The following TRIO variants were observed in gnomAD, a reference collection of about 807,000 sequenced individuals.
TRIO encodes triple functional domain protein.
Under a neutral mutation model 351.9 loss-of-function variants are expected in TRIO, and 58 were observed. The observed-to-expected ratio is 0.16, with a 90% CI of 0.13 to 0.21. The LOEUF is 0.21. Ranked by LOEUF, TRIO falls within the 10% of genes least tolerant of loss-of-function variation. TRIO has a pLI of 1.00. For synonymous variants in TRIO, 1,758 were observed against 1,595.7 expected (o/e 1.10, Z -2.42); for missense variants, 3,201 against 4,027.8 (o/e 0.79, Z 5.56).
intron 1 of TRIO, among the ~76,000 whole-genome samples, chr5:14,219,812 TC>T (rs1270512357): frequency 6.6e-6 from 1 of 152,014 alleles, no homozygotes; most frequent in Non-Finnish European, 1.5e-5. Flanking sequence ...GTAAAATAGA[TC>T]AGTATTTTTC....
intron 7 of TRIO, among the ~76,000 whole-genome samples, chr5:14,301,680 A>G (rs1265004806): frequency 1.3e-5 from 2 of 152,154 alleles, no homozygotes; most frequent in East Asian, 3.9e-4. Flanking sequence ...TTATGAAGGT[A>G]CCTGTTGAAT....
intron 1 of TRIO, among the ~76,000 whole-genome samples, chr5:14,176,797 AG>A (rs1789433134): frequency 6.6e-6 from 1 of 152,230 alleles, no homozygotes; most frequent in South Asian, 2.1e-4. Context: ...ACTTTTCAAA[AG>A]TAACATTTTT....
chr5:14,334,693 C>T (rs751533695), intron 10 of TRIO, among the ~76,000 whole-genome samples: 2 of 152,196 alleles, frequency 1.3e-5, no homozygotes, highest in Admixed American at 6.5e-5. Flanking sequence ...ATGGAGGCCC[C>T]GTTGTGCCCA....
At chr5:14,292,609 C>T (rs1338025405) in intron 5 of TRIO, among the ~76,000 whole-genome samples, 1 of 152,212 alleles carries the variant, frequency 6.6e-6, no homozygotes, top group African/African-American at 2.4e-5. Flanking sequence ...CACAGCAGAA[C>T]CCATCCAGAG....
At position 14,497,884 on chromosome 5, in the gene TRIO, G is replaced by C; in HGVS notation, c.8047+10G>C. 6.2e-7 allele frequency: 1 copy of C among 1,614,186 alleles called. No homozygotes were observed. Among genetic ancestry groups the C allele is most frequent in the Non-Finnish European group, 8.5e-7 (1 of 1,180,032 alleles). On this transcript the variant is annotated intron_variant, in intron 51 of 56. Transcript: ENST00000344204. This position sits in a 1 kb window ranked among gnomAD's most constrained non-coding sequence, Gnocchi z 4.4. ...AACTACATTTATGACGGTGAGTTCTGTTCTTTTTCTTCTAGTCCTAGAGAT... is the reference window on the plus strand; with the variant it reads ...AACTACATTTATGACGGTGAGTTCTCTTCTTTTTCTTCTAGTCCTAGAGAT...
chr5:14,182,406 T>C (rs1789843970), intron 1 of TRIO, among the ~76,000 whole-genome samples: 1 of 152,362 alleles, frequency 6.6e-6, no homozygotes, highest in South Asian at 2.1e-4. Flanking sequence ...TTATATCTGA[T>C]AGAAATTGTT....
chr5:14,425,543 C>T (rs1196978842), intron 34 of TRIO, among the ~76,000 whole-genome samples: 1 of 151,190 alleles, frequency 6.6e-6, no homozygotes, highest in African/African-American at 2.5e-5. Flanking sequence ...CTTCAAGTCC[C>T]TCCTTTCAGT....
At chr5:14,410,513 C>T (rs905809956) in intron 33 of TRIO, among the ~76,000 whole-genome samples, 5 of 152,186 alleles carry the variant, frequency 3.3e-5, no homozygotes, top group Non-Finnish European at 7.3e-5. Flanking sequence ...TTCTGCCCTA[C>T]GTAGTTTAAG....
chr5:14,329,376 C>T (rs1740699063), intron 9 of TRIO, among the ~76,000 whole-genome samples: 1 of 152,250 alleles, frequency 6.6e-6, no homozygotes. Context: ...ATGAGGGCTT[C>T]ACCCTTGTGA....
intron 6 of TRIO, among the ~76,000 whole-genome samples, chr5:14,296,118 T>C (rs906199056): frequency 6.6e-6 from 1 of 151,858 alleles, no homozygotes; most frequent in African/African-American, 2.4e-5. Flanking sequence ...AGAGGGGTTG[T>C]GTGGGAAGTG....
At chr5:14,172,439 A>T (rs1344357512) in intron 1 of TRIO, among the ~76,000 whole-genome samples, 17 of 152,202 alleles carry the variant, frequency 1.1e-4, no homozygotes, top group Admixed American at 1.1e-3. Flanking sequence ...CTTCTGAGTG[A>T]CAGTCACTTT....
chr5:14,503,463 T>C (rs1334689711), intron 54 of TRIO, among the ~76,000 whole-genome samples: 1 of 152,272 alleles, frequency 6.6e-6, no homozygotes, highest in Non-Finnish European at 1.5e-5. Context: ...GGGACCATTA[T>C]TCTGTTGGCC....
chr5:14,162,721 A>G (rs1390744058), intron 1 of TRIO, among the ~76,000 whole-genome samples: 1 of 152,228 alleles, frequency 6.6e-6, no homozygotes, highest in Non-Finnish European at 1.5e-5. Flanking sequence ...TCTGTTTGCA[A>G]GTATTATATG....
intron 34 of TRIO, among the ~76,000 whole-genome samples, chr5:14,455,929 C>T (rs367954287): frequency 3.9e-5 from 6 of 152,258 alleles, no homozygotes; most frequent in African/African-American, 1.2e-4. Flanking sequence ...TGGGACCGGG[C>T]GCTGCGGAGG....
In TRIO at chr5:14,197,876, G is replaced by A. The variant is rs1790874247; in HGVS notation, c.157+53994G>A. On this transcript the variant is annotated intron_variant, in intron 1 of 56. Coordinates refer to ENST00000344204, the MANE Select transcript of TRIO (RefSeq NM_007118.4). ...CCGAATCTCTTATACTGGACTGCAAGCATGCCTGCTTTTTGTTCTTAAGGG... is the reference window on the plus strand; with the variant it reads ...CCGAATCTCTTATACTGGACTGCAAACATGCCTGCTTTTTGTTCTTAAGGG... Among the ~76,000 whole-genome samples the A allele has an allele frequency of 2.0e-5, 3 of 152,210 alleles. No individual in the cohort carries two copies. In the South Asian group the frequency reaches 6.2e-4, roughly 32 times the overall value.
rs866568448 is a variant in TRIO at position 14,479,813 on chromosome 5, G to A, written c.6244-106G>A. 19 of 1,004,680 alleles carry A rather than the reference G, an allele frequency of 1.9e-5. 2 individuals carry two copies. In the Middle Eastern group the frequency reaches 2.3e-3, roughly 123 times the overall value. 62.2% of individuals were successfully genotyped at this position (1,004,680 alleles called of 1,614,324 possible). On this transcript the variant is annotated intron_variant, in intron 42 of 56. Coordinates refer to ENST00000344204, the MANE Select transcript of TRIO (RefSeq NM_007118.4). ...AGTTAGTCTAGTGCTTTTTTTCCTC[G>A]TTACTTTTACTGCCAGTGTTGTAGT...
intron 2 of TRIO, among the ~76,000 whole-genome samples, chr5:14,277,242 G>A (rs1420515038): frequency 6.6e-6 from 1 of 152,182 alleles, no homozygotes; most frequent in African/African-American, 2.4e-5. Context: ...AAGGTAAGAA[G>A]TGCCTTAGAG....
At chr5:14,489,258 T>C (rs1433241158) in intron 48 of TRIO, 3 of 481,662 alleles carry the variant, frequency 6.2e-6, no homozygotes, top group Non-Finnish European at 1.1e-5. Flanking sequence ...TTTCCTACTA[T>C]TTTTTGTTAT....
chr5:14,451,226 A>C (rs1752827397), intron 34 of TRIO, among the ~76,000 whole-genome samples: 1 of 152,188 alleles, frequency 6.6e-6, no homozygotes, highest in Non-Finnish European at 1.5e-5. Context: ...TGCAGAGAAG[A>C]TGCAGTCCCT....
Sources: allele counts gnomAD v4.1 joint callset (sites outside exome capture counted in the v4.1 genomes callset), GRCh38; gene constraint gnomAD v4.1.1; non-coding constraint Gnocchi (gnomAD v3.1); transcripts MANE v1.5; gene names NCBI Gene and HGNC (gene_info 2026-07-23, HGNC 2026-07-21).